TF: variants seen among roughly 807,000 people sequenced by gnomAD.
TF encodes the protein serotransferrin.
A neutral mutation model predicts 82.4 loss-of-function variants in TF; 55 were observed. The ratio of observed to expected loss-of-function variants is 0.67; its 90% CI spans 0.54 to 0.84. The LOEUF (loss-of-function observed/expected upper bound fraction) is 0.84, where lower values mean the gene tolerates loss of function less well. Among genes scored for constraint, TF ranks in the 40% least tolerant of loss-of-function variants. The pLI is 0.00. For synonymous variants in TF, 332 were observed against 332.6 expected (o/e 1.00, Z 0.02); for missense variants, 737 against 868.4 (o/e 0.85, Z 1.90).
chr3:133,668,664 C>T, the TF span, among the ~76,000 whole-genome samples: 1 of 152,182 alleles, frequency 6.6e-6, no homozygotes, highest in Non-Finnish European at 1.5e-5. Context: ...ACCCATACCC[C>T]CTCACCCTTA....
At chr3:133,687,158 A>G in the TF span, among the ~76,000 whole-genome samples, 1 of 152,182 alleles carries the variant, frequency 6.6e-6, no homozygotes, top group South Asian at 2.1e-4. Flanking sequence ...GAACACTTGG[A>G]CACAGGATGG....
chr3:133,711,509 A>C, the TF span, among the ~76,000 whole-genome samples: 4 of 152,206 alleles, frequency 2.6e-5, no homozygotes, highest in Non-Finnish European at 5.9e-5. Context: ...CCTACAGTCC[A>C]TCCTCTTGTG....
the TF span, among the ~76,000 whole-genome samples, chr3:133,730,188 C>T: frequency 6.6e-5 from 10 of 152,286 alleles, no homozygotes; most frequent in Middle Eastern, 3.4e-3. Context: ...ATCTTCTCTC[C>T]AGCCTAGAAC....
chr3:133,796,140 AAAGACCATC>A lies in TF; in HGVS notation c.*17524_*17532del, dbSNP rs751194160. 6.5e-6 allele frequency: 1 copy of A among 153,448 alleles called. No homozygotes were observed. Among genetic ancestry groups the A allele is most frequent in the Non-Finnish European group, 1.5e-5 (1 of 68,064 alleles). The allele number at this position is 153,448 out of a possible 1,614,324, so 9.5% of individuals were successfully genotyped here. On this transcript the variant is annotated 3_prime_UTR_variant, in exon 17 of 17. Transcript: ENST00000402696. The stretch of plus-strand genomic sequence containing the variant: ...TAACCAAATTAATTTCCTCTCGCCA[AAAGACCATC>A]AAGCTTCAGATGATCATGCAACAAA...
At chr3:133,710,281 C>G in the TF span, 1 of 152,456 alleles carries the variant, frequency 6.6e-6, no homozygotes. Context: ...AATCCCAGCC[C>G]TGACTGAACC....
chr3:133,762,595 G>C (rs1446865954), intron 9 of TF, among the ~76,000 whole-genome samples: 1 of 151,992 alleles, frequency 6.6e-6, no homozygotes, highest in Non-Finnish European at 1.5e-5. Context: ...TAGGGTTTCA[G>C]GTTCCAAGAC....
the TF span, among the ~76,000 whole-genome samples, chr3:133,696,144 G>T: frequency 6.6e-6 from 1 of 151,882 alleles, no homozygotes; most frequent in East Asian, 1.9e-4. Context: ...TTCAATTTTG[G>T]CTGGGCAGAG....
the TF span, among the ~76,000 whole-genome samples, chr3:133,696,823 C>A: frequency 6.6e-6 from 1 of 151,372 alleles, no homozygotes; most frequent in Non-Finnish European, 1.5e-5. Flanking sequence ...TGAAAAAAAC[C>A]CAAACTTTTT....
At chr3:133,678,034 C>T in the TF span, among the ~76,000 whole-genome samples, 17 of 152,180 alleles carry the variant, frequency 1.1e-4, no homozygotes, top group Admixed American at 5.2e-4. Context: ...CAACAGGCTC[C>T]GGTGTGTGCT....
chr3:133,674,320 C>CG, the TF span, among the ~76,000 whole-genome samples: 1 of 152,226 alleles, frequency 6.6e-6, no homozygotes, highest in Non-Finnish European at 1.5e-5. Flanking sequence ...TAGTGCGCTC[C>CG]GAAGCTGCTC....
the TF span, among the ~76,000 whole-genome samples, chr3:133,707,092 G>A: frequency 6.6e-6 from 1 of 151,984 alleles, no homozygotes; most frequent in South Asian, 2.1e-4. Context: ...ATGTAGATCA[G>A]CAAGCATACT....
chr3:133,746,613 A>G lies in TF; in HGVS notation c.43+130A>G, dbSNP rs375658755. The stretch of plus-strand genomic sequence containing the variant: ...AGCCTGGGTGTCTGGGTGCCTTTCC[A>G]TTGCCTCTCTACGCCCCACCCCTGG... On this transcript the variant is annotated intron_variant, in intron 1 of 16. Coordinates refer to ENST00000402696, the MANE Select transcript of TF (RefSeq NM_001063.4). 388 of 1,052,904 alleles carry G rather than the reference A, an allele frequency of 3.7e-4. 1 individual carries two copies. The African/African-American group carries it at 5.2e-3, about 14-fold the overall frequency. The allele number at this position is 1,052,904 out of a possible 1,614,324, so 65.2% of individuals were successfully genotyped here.
the TF span, among the ~76,000 whole-genome samples, chr3:133,727,585 C>T: frequency 0.035 from 3,571 of 100,870 alleles, 10 homozygotes; most frequent in African/African-American, 0.085. Flanking sequence ...ATACAGCACA[C>T]TGATGGGTCT....
Position 133,781,762 on chromosome 3 carries a change from G to A in TF, c.*3142G>A, listed in dbSNP as rs190552003. The A allele has an allele frequency of 6.6e-6, 1 of 152,126 alleles. No individual in the cohort carries two copies. The highest frequency in any genetic ancestry group is 2.4e-5 in the African/African-American group (1 of 41,512). 9.4% of individuals were successfully genotyped at this position (152,126 alleles called of 1,614,324 possible). ...ACCTTGGCCTTAGCAATGATTTTTTGGCTATCACATCAAAAGCCCAGGCCA... is the reference window on the plus strand; with the variant it reads ...ACCTTGGCCTTAGCAATGATTTTTTAGCTATCACATCAAAAGCCCAGGCCA... On this transcript the variant is annotated 3_prime_UTR_variant, in exon 17 of 17. Coordinates refer to ENST00000402696, the MANE Select transcript of TF (RefSeq NM_001063.4).
the TF span, among the ~76,000 whole-genome samples, chr3:133,672,809 GAGAAAGAAAA>G: frequency 2.0e-5 from 3 of 146,422 alleles, no homozygotes; most frequent in East Asian, 1.9e-4. Context: ...AAGAGAGAAA[GAGAAAGAAAA>G]AGAAAGAAAA....
At chr3:133,717,347 T>C in the TF span, among the ~76,000 whole-genome samples, 1 of 152,206 alleles carries the variant, frequency 6.6e-6, no homozygotes, top group African/African-American at 2.4e-5. Context: ...CAATTCAGGA[T>C]GTCCAGTTAA....
At chr3:133,746,508 C>A in intron 1 of TF, 25 bp downstream of exon 1, 1 of 1,587,354 alleles carries the variant, frequency 6.3e-7, no homozygotes, top group South Asian at 1.1e-5. Context: ...GGGGTAGCAC[C>A]GCAGAGTCGC....
chr3:133,751,678 A>T (rs1221620262), intron 2 of TF, among the ~76,000 whole-genome samples: 1 of 152,204 alleles, frequency 6.6e-6, no homozygotes, highest in Non-Finnish European at 1.5e-5. Context: ...ACTTAATGCC[A>T]CTAAAATGTA....
chr3:133,697,374 G>A, the TF span, among the ~76,000 whole-genome samples: 1 of 152,176 alleles, frequency 6.6e-6, no homozygotes, highest in Non-Finnish European at 1.5e-5. Context: ...GGTCATCTAT[G>A]GGTCTCATCA....
Sources: gnomAD v4.1 joint callset for allele counts (sites outside exome capture counted in the v4.1 genomes callset) on GRCh38, gnomAD v4.1.1 for gene constraint, MANE v1.5 for transcripts, NCBI Gene and HGNC (gene_info 2026-07-23, HGNC 2026-07-21) for gene names.